CNTN6: variants seen among roughly 807,000 people sequenced by gnomAD.
CNTN6 encodes the protein contactin-6.
Under a neutral mutation model 122.8 loss-of-function variants are expected in CNTN6, and 137 were observed. The observed-to-expected ratio is 1.12, with a 90% confidence interval of 0.97 to 1.29. The LOEUF (loss-of-function observed/expected upper bound fraction) is 1.29. Among genes scored for constraint, CNTN6 ranks in the 50% most tolerant of loss-of-function variants. The probability of loss-of-function intolerance (pLI) is 0.00; values close to 1 mark genes in which losing one functional copy is unlikely to be tolerated. For missense variants in CNTN6, 1,634 were observed against 1,223.4 expected, an observed-to-expected ratio of 1.34 and a Z score of -5.01; for synonymous variants, 570 against 426.0, an observed-to-expected ratio of 1.34 and a Z score of -4.16.
At position 1,271,780 on chromosome 3, in the gene CNTN6, T is replaced by C. The variant is rs188063733; in HGVS notation, c.359-6633T>C. On this transcript the variant is annotated intron_variant, in intron 4 of 22. Coordinates refer to ENST00000446702, the MANE Select transcript of CNTN6 (RefSeq NM_001289080.2). Reference sequence around the variant, plus strand: ...AACTTTTTGGAAAAGCATTAGGCTTTTGATGGTTTGACCATGGAGTATTAG... The same window carrying C: ...AACTTTTTGGAAAAGCATTAGGCTTCTGATGGTTTGACCATGGAGTATTAG... Among the ~76,000 whole-genome samples the C allele has an allele frequency of 4.3e-4, 65 of 152,288 alleles. 2 individuals are homozygous for C. The highest frequency in any genetic ancestry group is 3.4e-3 in the Middle Eastern group (1 of 294).
chr3:1,100,359 C>T (rs553402087), intron 1 of CNTN6, among the ~76,000 whole-genome samples: 9 of 152,108 alleles, frequency 5.9e-5, no homozygotes, highest in Non-Finnish European at 1.0e-4. Flanking sequence ...TAATTTTGCT[C>T]ATGAGGGGAC....
chr3:1,321,780 A>T lies in CNTN6; in HGVS notation c.892A>T (p.Ile298Phe). 1.2e-6 allele frequency: 2 copies of T among 1,611,520 alleles called. No homozygotes were observed. The highest frequency in any genetic ancestry group is 1.7e-6 in the Non-Finnish European group (2 of 1,178,468). The change falls in exon 8 of 23, where the codon ATT becomes TTT. Residue 298 changes from isoleucine (I) to phenylalanine (F), a missense_variant. By Grantham distance (21) the Ile-to-Phe change is conservative. Coordinates refer to ENST00000446702, the MANE Select transcript of CNTN6 (RefSeq NM_001289080.2). ...QQEDEGFYEC[I>F]ASNLRGRNLA... Reference sequence around the variant, plus strand: ...AGAAGATGAAGGCTTTTATGAGTGCATTGCAAGCAACCTTCGAGGAAGAAA... The same window carrying T: ...AGAAGATGAAGGCTTTTATGAGTGCTTTGCAAGCAACCTTCGAGGAAGAAA...
chr3:1,375,543 T>C (rs1575940026), intron 16 of CNTN6, among the ~76,000 whole-genome samples: 1 of 152,060 alleles, frequency 6.6e-6, no homozygotes, highest in Admixed American at 6.6e-5. Flanking sequence ...TTGTAGAAAG[T>C]AAATCAAAAT....
At chr3:1,265,039 A>G (rs1391026076) in intron 4 of CNTN6, among the ~76,000 whole-genome samples, 1 of 94,436 alleles carries the variant, frequency 1.1e-5, no homozygotes, top group Non-Finnish European at 2.1e-5. Context: ...AAATGACCGA[A>G]TTTCCTTTTT....
chr3:1,103,061 G>C (rs893037955), intron 1 of CNTN6, among the ~76,000 whole-genome samples: 4 of 151,848 alleles, frequency 2.6e-5, no homozygotes, highest in African/African-American at 4.8e-5. Flanking sequence ...AGCCAAGATG[G>C]CGCCACCGCA....
chr3:1,381,945 T>C (rs1251864880), intron 17 of CNTN6, among the ~76,000 whole-genome samples: 1 of 91,902 alleles, frequency 1.1e-5, no homozygotes, highest in Non-Finnish European at 2.1e-5. Flanking sequence ...CGTGAATTGG[T>C]GCTCGCATGG....
At chr3:1,186,365 T>C (rs1301367550) in intron 2 of CNTN6, among the ~76,000 whole-genome samples, 1 of 152,068 alleles carries the variant, frequency 6.6e-6, no homozygotes, top group African/African-American at 2.4e-5. Flanking sequence ...CTTCACACAC[T>C]GCAACTACTC....
At position 1,381,841 on chromosome 3, in the gene CNTN6, T is replaced by G. The variant is rs532403355; in HGVS notation, c.2167-1101T>G. ...CACCATGTTTCATATGCAAACTCTG[T>G]GAGAGGAATTGACCAGGTCTGTTAG... On this transcript the variant is annotated intron_variant, in intron 17 of 22. Transcript: ENST00000446702. 4.8e-4 allele frequency among the ~76,000 whole-genome samples: 73 copies of G among 152,298 alleles called. No individual in the cohort carries two copies. The East Asian group carries it at 0.011, about 23-fold the overall frequency.
chr3:1,310,588 G>A lies in CNTN6; in HGVS notation c.762-11062G>A, dbSNP rs1248584188. 1.2e-4 allele frequency among the ~76,000 whole-genome samples: 18 copies of A among 152,122 alleles called. 1 individual carries two copies. Among genetic ancestry groups the A allele is most frequent in the Admixed American group, 1.2e-3 (18 of 15,258 alleles). On this transcript the variant is annotated intron_variant, in intron 7 of 22. Coordinates refer to ENST00000446702, the MANE Select transcript of CNTN6 (RefSeq NM_001289080.2). Reference sequence around the variant, plus strand: ...GTCTGCAGTTTTACTTTCTTGAAATGTCTTTATCTTATTTTGGCATTATGG... The same window carrying A: ...GTCTGCAGTTTTACTTTCTTGAAATATCTTTATCTTATTTTGGCATTATGG...
At chr3:1,349,665 T>C (rs753307332) in intron 11 of CNTN6, among the ~76,000 whole-genome samples, 43 of 151,900 alleles carry the variant, frequency 2.8e-4, no homozygotes, top group Non-Finnish European at 3.4e-4. Flanking sequence ...TTCCTTCTTT[T>C]GGCTTTTTTA....
intron 2 of CNTN6, among the ~76,000 whole-genome samples, chr3:1,177,898 A>ATTTTTTTTTTTTTTTTT (rs11303380): frequency 1.5e-5 from 2 of 133,418 alleles, no homozygotes; most frequent in Non-Finnish European, 3.2e-5. Flanking sequence ...TGCCCTTTCC[A>ATTTTTTTTTTTTTTTTT]TTTTTTTTTT....
chr3:1,372,076 A>G (rs1158055551), intron 12 of CNTN6, among the ~76,000 whole-genome samples: 2 of 152,172 alleles, frequency 1.3e-5, no homozygotes, highest in Non-Finnish European at 2.9e-5. Flanking sequence ...CTATTTTCAT[A>G]TAAGGTGTGA....
chr3:1,315,821 C>G (rs1289037746), intron 7 of CNTN6, among the ~76,000 whole-genome samples: 1 of 151,814 alleles, frequency 6.6e-6, no homozygotes, highest in Non-Finnish European at 1.5e-5. Context: ...GGTTGTATCT[C>G]CATAGCAGCT....
intron 2 of CNTN6, among the ~76,000 whole-genome samples, chr3:1,218,798 G>C (rs1976172): frequency 0.48 from 73,140 of 151,970 alleles, 19,755 homozygotes; most frequent in African/African-American, 0.73. Context: ...AATGAGTACG[G>C]TGAGCATCCT....
chr3:1,376,540 A>G (rs1039911565), intron 16 of CNTN6, among the ~76,000 whole-genome samples: 9 of 152,158 alleles, frequency 5.9e-5, no homozygotes, highest in Non-Finnish European at 1.2e-4. Context: ...ATTTATTTAC[A>G]TATTTTTCAG....
intron 5 of CNTN6, among the ~76,000 whole-genome samples, chr3:1,286,120 G>C (rs1418336305): frequency 6.6e-6 from 1 of 152,214 alleles, no homozygotes; most frequent in East Asian, 1.9e-4. Flanking sequence ...ACCATGTGTA[G>C]AAGTCAGGAT....
intron 11 of CNTN6, among the ~76,000 whole-genome samples, chr3:1,338,571 C>G (rs1186670655): frequency 3.3e-5 from 5 of 152,168 alleles, no homozygotes; most frequent in African/African-American, 1.2e-4. Flanking sequence ...TTCATTCTAT[C>G]TCACTGTTGA....
intron 4 of CNTN6, among the ~76,000 whole-genome samples, chr3:1,244,501 A>C (rs2094532145): frequency 6.9e-6 from 1 of 145,154 alleles, no homozygotes; most frequent in Non-Finnish European, 1.5e-5. Context: ...GAAGGGGTTG[A>C]GGGGTACTTG....
chr3:1,279,163 T>C (rs930526034), intron 5 of CNTN6, among the ~76,000 whole-genome samples: 4 of 152,162 alleles, frequency 2.6e-5, no homozygotes, highest in Admixed American at 1.3e-4. Context: ...AATCAAGCAA[T>C]AAATGCCAGC....
Sources: gnomAD v4.1 joint callset for allele counts (sites outside exome capture counted in the v4.1 genomes callset) on GRCh38, gnomAD v4.1.1 for gene constraint, MANE v1.5 for transcripts, NCBI Gene and HGNC (gene_info 2026-07-23, HGNC 2026-07-21) for gene names.